SUGT1: variants seen among roughly 807,000 people sequenced by gnomAD.
SUGT1 encodes the protein SGT1 assembly cochaperone of MIS12 kinetochore complex, also known as protein SGT1 homolog.
A neutral mutation model predicts 56.1 loss-of-function variants in SUGT1; 15 were observed. That is an observed-to-expected ratio of 0.27 (90% CI 0.18 to 0.41). The LOEUF (loss-of-function observed/expected upper bound fraction) is 0.41. SUGT1 is among the 10% of genes least tolerant of loss of function. The pLI is 1.00. For synonymous variants in SUGT1, 123 were observed against 128.6 expected (o/e 0.96, Z 0.30); for missense variants, 347 against 382.2 (o/e 0.91, Z 0.77).
chr13:52,699,336 GC>G lies in SUGT1; in HGVS notation c.*11502del, dbSNP rs897870584. The G allele has an allele frequency of 3.3e-5, 5 of 152,136 alleles. No homozygotes were observed. Among genetic ancestry groups the G allele is most frequent in the African/African-American group, 1.2e-4 (5 of 41,424 alleles). The allele number at this position is 152,136 out of a possible 1,614,324, so 9.4% of individuals were successfully genotyped here. A position where few individuals can be genotyped will look rare whatever the true frequency, so the allele number is the denominator to read the frequency against. On this transcript the variant is annotated 3_prime_UTR_variant, in exon 13 of 13. Transcript: ENST00000310528. ...ATTTGGGCAAAACACTTTTATCACT[GC>G]TAAGATATTACTAGAACTGAGCAGA...
rs1328760341 is a variant in SUGT1 at position 52,690,751 on chromosome 13, T to C, written c.*2916T>C. 6.6e-6 allele frequency: 1 copy of C among 152,252 alleles called. No homozygotes were observed. The highest frequency in any genetic ancestry group is 1.5e-5 in the Non-Finnish European group (1 of 68,052). The allele number at this position is 152,252 out of a possible 1,614,324, so 9.4% of individuals were successfully genotyped here. The stretch of plus-strand genomic sequence containing the variant: ...CAGAGTTGACTGCCAACTAACAAGC[T>C]CAGCCTTTAGCACTGGCACTTACTG... On this transcript the variant is annotated 3_prime_UTR_variant, in exon 13 of 13. Transcript: ENST00000310528.
rs113888464 is a variant in SUGT1 at position 52,656,691 on chromosome 13, A to G, written c.97-841A>G. On this transcript the variant is annotated intron_variant, in intron 2 of 12. Coordinates refer to ENST00000310528, the MANE Select transcript of SUGT1 (RefSeq NM_006704.5). ...CCCATGTGAGTTGAGGAGCATCTGT[A>G]TATGTTGCTTTCTGAGAGTCACACT... 5.8e-3 allele frequency among the ~76,000 whole-genome samples: 881 copies of G among 152,278 alleles called. 6 individuals carry two copies. Among genetic ancestry groups the G allele is most frequent in the Middle Eastern group, 0.01 (3 of 294 alleles).
chr13:52,684,490 C>T (rs1255645912), intron 12 of SUGT1, among the ~76,000 whole-genome samples: 1 of 144,632 alleles, frequency 6.9e-6, no homozygotes, highest in Non-Finnish European at 1.5e-5. Flanking sequence ...GCATTTTGTT[C>T]TTACTTTTCT....
chr13:52,662,543 C>CGAAAG, intron 5 of SUGT1, 106 bp from the exon 6 acceptor site: 1 of 1,091,284 alleles, frequency 9.2e-7, no homozygotes, highest in Non-Finnish European at 1.3e-6. Context: ...CTGCCGACTC[C>CGAAAG]CCAGTGCCTA....
rs141343233 is a variant in SUGT1, at chr13:52,694,383, T to G, written c.*6548T>G. ...ACTGTAATTTATAAAATTTGTACTTTGGAGAGCATAAGAATTCATGAAAAG... is the reference window on the plus strand; with the variant it reads ...ACTGTAATTTATAAAATTTGTACTTGGGAGAGCATAAGAATTCATGAAAAG... On this transcript the variant is annotated 3_prime_UTR_variant, in exon 13 of 13. Transcript: ENST00000310528. The G allele has an allele frequency of 1.7e-3, 266 of 152,362 alleles. 1 individual carries two copies. Among genetic ancestry groups the G allele is most frequent in the African/African-American group, 6.0e-3 (249 of 41,584 alleles). 9.4% of individuals were successfully genotyped at this position (152,362 alleles called of 1,614,324 possible).
Position 52,662,633 on chromosome 13 carries a change from A to T in SUGT1, c.329-16A>T, listed in dbSNP as rs745899629. The stretch of plus-strand genomic sequence containing the variant: ...TGTGCAGATGAGTGATGTTATAGTC[A>T]GTTTTTTCTTTCTAGGTGCAGATGC... On this transcript the variant is annotated splice_polypyrimidine_tract_variant and intron_variant, in intron 5 of 12. Transcript: ENST00000310528. 2 of 1,613,460 alleles carry T rather than the reference A, an allele frequency of 1.2e-6. No homozygotes were observed. Among genetic ancestry groups the T allele is most frequent in the South Asian group, 2.2e-5 (2 of 91,036 alleles).
chr13:52,679,999 A>T lies in SUGT1; in HGVS notation c.744A>T (p.Ser248=). 2 of 1,598,286 alleles carry T rather than the reference A, an allele frequency of 1.3e-6. No individual in the cohort carries two copies. The highest frequency in any genetic ancestry group is 3.6e-5 in the Admixed American group (2 of 54,848). ...VADVKNLYPS[S]SPYTRNWDKL... is the part of the protein sequence containing the mutation. ...ATGTAAAGAACCTATATCCATCATCATCTCCTTATACAAGAAATTGGGATA... is the reference window on the plus strand; with the variant it reads ...ATGTAAAGAACCTATATCCATCATCTTCTCCTTATACAAGAAATTGGGATA... The change falls in exon 12 of 13, where the codon TCA becomes TCT. Residue 248 remains serine (S), a synonymous_variant. Transcript: ENST00000310528.
intron 10 of SUGT1, among the ~76,000 whole-genome samples, chr13:52,670,906 A>G (rs1406493396): frequency 6.6e-6 from 1 of 152,176 alleles, no homozygotes; most frequent in African/African-American, 2.4e-5. Context: ...GTTAAGTCAT[A>G]GTAATTTTGC....
At position 52,693,872 on chromosome 13, in the gene SUGT1, G is replaced by A. The variant is rs1369241328; in HGVS notation, c.*6037G>A. ...GCTGAAATTGTTACAAAATACAGCAGTTGCCCCTTAACTGTGGCAGATACA... is the reference window on the plus strand; with the variant it reads ...GCTGAAATTGTTACAAAATACAGCAATTGCCCCTTAACTGTGGCAGATACA... On this transcript the variant is annotated 3_prime_UTR_variant, in exon 13 of 13. Transcript: ENST00000310528. 2 of 152,180 alleles carry A rather than the reference G, an allele frequency of 1.3e-5. No individual in the cohort carries two copies. Among genetic ancestry groups the A allele is most frequent in the African/African-American group, 4.8e-5 (2 of 41,442 alleles). The allele number at this position is 152,180 out of a possible 1,614,324, so 9.4% of individuals were successfully genotyped here.
At chr13:52,687,137 G>A (rs1407281385) in intron 12 of SUGT1, 1 of 150,358 alleles carries the variant, frequency 6.7e-6, no homozygotes, top group African/African-American at 2.4e-5. Context: ...GAATATGCTT[G>A]GGTTGTTGGT....
chr13:52,659,891 C>T (rs1243379618), intron 5 of SUGT1, among the ~76,000 whole-genome samples: 11 of 137,028 alleles, frequency 8.0e-5, no homozygotes, highest in African/African-American at 1.1e-4. Context: ...TGCAGTGGCG[C>T]GATCTCGACT....
intron 10 of SUGT1, among the ~76,000 whole-genome samples, chr13:52,671,965 A>G (rs797003656): frequency 2.0e-5 from 3 of 152,330 alleles, no homozygotes; most frequent in African/African-American, 7.2e-5. Flanking sequence ...TCTCTAAAAT[A>G]TGGATAACAA....
rs768987947 is a variant in SUGT1, at chr13:52,662,653, A to G, written c.333A>G (p.Ala111=). Residue 111 remains alanine (A), a synonymous_variant, in exon 6 of 13, where the codon GCA becomes GCG. Transcript: ENST00000310528. ...TFTEGQKLDS[A]DANFSVWIKR... ...TAGTCAGTTTTTTCTTTCTAGGTGC[A>G]GATGCTAATTTCAGTGTCTGGATTA... is the stretch of plus-strand genomic sequence containing the variant. 23 of 1,613,688 alleles carry G rather than the reference A, an allele frequency of 1.4e-5. No individual in the cohort carries two copies. The highest frequency in any genetic ancestry group is 3.3e-5 in the Admixed American group (2 of 59,990).
At chr13:52,681,347 G>A (rs1232010828) in intron 12 of SUGT1, among the ~76,000 whole-genome samples, 1 of 151,518 alleles carries the variant, frequency 6.6e-6, no homozygotes, top group Non-Finnish European at 1.5e-5. Flanking sequence ...GAGCCTGGGT[G>A]GTCAAGGTTG....
chr13:52,685,949 A>G (rs1963571243), intron 12 of SUGT1, among the ~76,000 whole-genome samples: 1 of 152,124 alleles, frequency 6.6e-6, no homozygotes, highest in African/African-American at 2.4e-5. Flanking sequence ...TTTATTTGAG[A>G]GAGAGTTTCA....
chr13:52,686,948 G>A (rs71437880), intron 12 of SUGT1, among the ~76,000 whole-genome samples: 6,304 of 150,808 alleles, frequency 0.042, 178 homozygotes, highest in Non-Finnish European at 0.067. Flanking sequence ...GTGCATGCCT[G>A]TAATCCCAGC....
At chr13:52,667,131 A>G (rs748801079) in intron 10 of SUGT1, among the ~76,000 whole-genome samples, 57 of 152,226 alleles carry the variant, frequency 3.7e-4, no homozygotes, top group Non-Finnish European at 7.6e-4. Flanking sequence ...AGTGTGTGGC[A>G]TTTGTGTATT....
At chr13:52,654,935 T>A (rs527655593) in intron 2 of SUGT1, among the ~76,000 whole-genome samples, 2 of 152,360 alleles carry the variant, frequency 1.3e-5, no homozygotes, top group East Asian at 3.9e-4. Context: ...CATGCATTTC[T>A]TTTGGTTGTA....
chr13:52,669,950 G>T (rs1330888397), intron 10 of SUGT1, among the ~76,000 whole-genome samples: 2 of 152,148 alleles, frequency 1.3e-5, no homozygotes, highest in Non-Finnish European at 2.9e-5. Flanking sequence ...AAAATAATTT[G>T]CTTTTCATGT....
Sources: gnomAD v4.1 joint callset for allele counts (sites outside exome capture counted in the v4.1 genomes callset) on GRCh38, gnomAD v4.1.1 for gene constraint, MANE v1.5 for transcripts, NCBI Gene and HGNC (gene_info 2026-07-23, HGNC 2026-07-21) for gene names.